Variants in RNF157 observed in about 807,000 individuals in gnomAD.
RNF157 encodes the protein ring finger protein 157, also known as E3 ubiquitin ligase RNF157.
RNF157 carries 55 observed loss-of-function variants against 88.3 expected under a neutral mutation model. The ratio of observed to expected loss-of-function variants is 0.62; its 90% confidence interval spans 0.50 to 0.78. The LOEUF (loss-of-function observed/expected upper bound fraction) is 0.78, where lower values mean the gene tolerates loss of function less well. Ranked by LOEUF, RNF157 falls within the 30% of genes least tolerant of loss-of-function variation. RNF157 has a pLI of 0.00. For missense variants in RNF157, 788 were observed against 860.8 expected, an observed-to-expected ratio of 0.92 and a Z score of 1.06; for synonymous variants, 334 against 341.2, an observed-to-expected ratio of 0.98 and a Z score of 0.23.
At chr17:76,177,012 C>T (rs2069114764) in intron 2 of RNF157, among the ~76,000 whole-genome samples, 1 of 152,136 alleles carries the variant, frequency 6.6e-6, no homozygotes, top group South Asian at 2.1e-4. Context: ...GCCTGACACT[C>T]CTGGGCAGAT....
At chr17:76,234,484 C>A (rs1366756441) in intron 1 of RNF157, among the ~76,000 whole-genome samples, 2 of 152,078 alleles carry the variant, frequency 1.3e-5, no homozygotes, top group Non-Finnish European at 2.9e-5. Context: ...ACATTCACAC[C>A]GGCAGGGTAT....
At chr17:76,148,261 C>CTT (rs56231427) in intron 18 of RNF157, among the ~76,000 whole-genome samples, 10,590 of 121,038 alleles carry the variant, frequency 0.087, 593 homozygotes, top group Non-Finnish European at 0.1. Context: ...TTATCTTTGC[C>CTT]TTTTTTTTTT....
chr17:76,206,487 T>C (rs775620298), intron 2 of RNF157, among the ~76,000 whole-genome samples: 1 of 152,192 alleles, frequency 6.6e-6, no homozygotes, highest in Admixed American at 6.5e-5. Context: ...GAAGCCCAGT[T>C]TACTACTTAA....
intron 2 of RNF157, among the ~76,000 whole-genome samples, chr17:76,177,765 G>T (rs2069128327): frequency 6.6e-6 from 1 of 152,134 alleles, no homozygotes; most frequent in South Asian, 2.1e-4. Context: ...CTGCAGAGAG[G>T]AGCAACCTAC....
intron 2 of RNF157, among the ~76,000 whole-genome samples, chr17:76,208,175 G>A (rs1005438041): frequency 1.3e-5 from 2 of 152,010 alleles, no homozygotes; most frequent in African/African-American, 2.4e-5. Context: ...TATAGGCCTC[G>A]GCCTCCTGAG....
intron 2 of RNF157, among the ~76,000 whole-genome samples, chr17:76,188,622 A>G (rs1304847065): frequency 1.3e-5 from 2 of 152,218 alleles, no homozygotes; most frequent in African/African-American, 2.4e-5. Context: ...GCATGCTAGT[A>G]TCTCCCAACA....
chr17:76,152,372 G>T lies in RNF157; in HGVS notation c.1904C>A (p.Ser635Tyr). ...ACACTCACCAGGTAAGCAGACCTCA[G>T]AGCACAGCTTATTGTCCAGTGCTTT... ...SVKALDNKLCSEVCLPGAWQA... is the reference protein window; with the variant it reads ...SVKALDNKLCYEVCLPGAWQA... The change falls in exon 18 of 19, where the codon TCT becomes TAT. Residue 635 changes from serine to tyrosine, a missense_variant. By Grantham distance (144) the Ser-to-Tyr change is moderately radical. Transcript: ENST00000269391. 1 of 1,608,394 alleles carries T rather than the reference G, an allele frequency of 6.2e-7. No individual in the cohort carries two copies. Among genetic ancestry groups the T allele is most frequent in the Middle Eastern group, 1.7e-4 (1 of 6,056 alleles).
Position 76,176,788 on chromosome 17 carries a change from C to T in RNF157, c.208-2998G>A, listed in dbSNP as rs114883921. Among the ~76,000 whole-genome samples the T allele has an allele frequency of 2.8e-3, 429 of 152,254 alleles. 5 individuals carry two copies. The highest frequency in any genetic ancestry group is 9.8e-3 in the African/African-American group (408 of 41,564). On this transcript the variant is annotated intron_variant, in intron 2 of 18. Transcript: ENST00000269391. This position sits in a 1 kb window ranked among gnomAD's most constrained non-coding sequence, Gnocchi z 4.2. ...GCCAGTGTCCCGCTTGCTCATGGAG[C>T]GCCAGGGCCAGGCCTGGGCGCGGAG...
chr17:76,169,759 T>C (rs2068985711), intron 3 of RNF157, among the ~76,000 whole-genome samples: 1 of 152,008 alleles, frequency 6.6e-6, no homozygotes, highest in African/African-American at 2.4e-5. Context: ...TTTTTGTATT[T>C]TTGTAGAGAT....
intron 1 of RNF157, among the ~76,000 whole-genome samples, chr17:76,232,685 G>A (rs2070214056): frequency 6.6e-6 from 1 of 152,156 alleles, no homozygotes; most frequent in African/African-American, 2.4e-5. Flanking sequence ...TTTCCAAAGT[G>A]GCTGTACTAT....
chr17:76,234,905 G>T (rs576580719), intron 1 of RNF157, among the ~76,000 whole-genome samples: 49 of 152,088 alleles, frequency 3.2e-4, no homozygotes, highest in African/African-American at 1.1e-3. Flanking sequence ...AGCATCATTT[G>T]TTGAAACCAC....
chr17:76,230,028 A>G (rs1478095869), intron 1 of RNF157, among the ~76,000 whole-genome samples: 1 of 152,174 alleles, frequency 6.6e-6, no homozygotes, highest in Non-Finnish European at 1.5e-5. Context: ...CCCACAAATC[A>G]TTAGTAAAAT....
chr17:76,159,204 G>A lies in RNF157; in HGVS notation c.1304+131C>T, dbSNP rs2028602. On this transcript the variant is annotated intron_variant, in intron 12 of 18. Transcript: ENST00000269391. ...TCTTAATGGATGGGATAACCTTCAC[G>A]CAAGCAGCTCTGGGAACAGCCCAGA... 919 of 751,874 alleles carry A rather than the reference G, an allele frequency of 1.2e-3. 6 individuals are homozygous for A. In the African/African-American group the frequency reaches 0.014, roughly 12 times the overall value. The allele number at this position is 751,874 out of a possible 1,614,324, so 46.6% of individuals were successfully genotyped here. A position where few individuals can be genotyped will look rare whatever the true frequency, so the allele number is the denominator to read the frequency against.
At chr17:76,177,560 T>G (rs577319453) in intron 2 of RNF157, among the ~76,000 whole-genome samples, 14 of 151,750 alleles carry the variant, frequency 9.2e-5, no homozygotes, top group African/African-American at 3.1e-4. Context: ...GAGGGCAGCT[T>G]GGTGCTGGCC....
chr17:76,222,774 C>G (rs2070008408), intron 1 of RNF157, among the ~76,000 whole-genome samples: 1 of 152,120 alleles, frequency 6.6e-6, no homozygotes, highest in African/African-American at 2.4e-5. Flanking sequence ...GTCTCTCCAT[C>G]TGACAGTGGC....
intron 2 of RNF157, among the ~76,000 whole-genome samples, chr17:76,210,470 G>A (rs571306675): frequency 1.5e-4 from 23 of 149,562 alleles, no homozygotes; most frequent in Non-Finnish European, 2.5e-4. Flanking sequence ...GGTGCCTGTA[G>A]TCCCAGCTAC....
At chr17:76,155,465 G>A in intron 15 of RNF157, 97 bp downstream of exon 15, 1 of 1,507,190 alleles carries the variant, frequency 6.6e-7, no homozygotes, top group Non-Finnish European at 9.2e-7. Flanking sequence ...GCATTTTGGG[G>A]GCTTTGCAGC....
At chr17:76,196,360 T>TA (rs1470258243) in intron 2 of RNF157, among the ~76,000 whole-genome samples, 1 of 152,052 alleles carries the variant, frequency 6.6e-6, no homozygotes, top group African/African-American at 2.4e-5. Flanking sequence ...AGGCTAGAGG[T>TA]AACAACAGGA....
intron 1 of RNF157, among the ~76,000 whole-genome samples, 177 bp from the exon 2 acceptor site, chr17:76,212,659 C>T (rs371604772): frequency 2.0e-5 from 3 of 152,112 alleles, no homozygotes; most frequent in East Asian, 1.9e-4. Context: ...ATAAGGAGTT[C>T]GAGACCAGCC....
Sources: allele counts gnomAD v4.1 joint callset (sites outside exome capture counted in the v4.1 genomes callset), GRCh38; gene constraint gnomAD v4.1.1; non-coding constraint Gnocchi (gnomAD v3.1); transcripts MANE v1.5; gene names NCBI Gene and HGNC (gene_info 2026-07-23, HGNC 2026-07-21).